Variants in PDE12 observed in about 807,000 individuals in gnomAD.
PDE12 encodes the protein 2',5'-phosphodiesterase 12.
In PDE12, 26 loss-of-function variants were observed where a neutral mutation model predicts 45.4. That is an observed-to-expected ratio of 0.57 (90% CI 0.42 to 0.79). The LOEUF (loss-of-function observed/expected upper bound fraction) is 0.79, where lower values mean the gene tolerates loss of function less well. Ranked by LOEUF, PDE12 falls within the 30% of genes least tolerant of loss-of-function variation. PDE12 has a pLI of 0.00. For missense variants in PDE12, 668 were observed against 790.0 expected (o/e 0.85, Z 1.85); for synonymous variants, 283 against 323.9 (o/e 0.87, Z 1.36).
chr3:57,594,233 TAAAC>T, the PDE12 span, among the ~76,000 whole-genome samples: 2 of 152,100 alleles, frequency 1.3e-5, no homozygotes, highest in Admixed American at 6.6e-5. Flanking sequence ...TCAAAAAAAA[TAAAC>T]AAAATAAAAT....
chr3:57,562,186 G>A lies in PDE12; in HGVS notation c.*2182G>A, dbSNP rs939560683. The A allele has an allele frequency of 1.2e-6, 1 of 845,374 alleles. No homozygotes were observed. The highest frequency in any genetic ancestry group is 1.4e-6 in the Non-Finnish European group (1 of 702,640). The allele number at this position is 845,374 out of a possible 1,614,324, so 52.4% of individuals were successfully genotyped here. ...AGAAACATTTTGAAAGAAAAAATTC[G>A]AACATGCCCATGAAAAAAGCATACA... On this transcript the variant is annotated 3_prime_UTR_variant, in exon 3 of 3. Transcript: ENST00000311180.
the PDE12 span, among the ~76,000 whole-genome samples, chr3:57,574,005 G>A: frequency 1.3e-5 from 2 of 152,116 alleles, no homozygotes; most frequent in African/African-American, 4.8e-5. Flanking sequence ...GCAGTGGCGT[G>A]ATCTCGGCTC....
the PDE12 span, chr3:57,584,328 T>C: frequency 1.5e-6 from 2 of 1,366,262 alleles, no homozygotes; most frequent in Non-Finnish European, 2.1e-6. Context: ...AACTAGACTG[T>C]ATATATTTCA....
chr3:57,621,025 TA>T, the PDE12 span, among the ~76,000 whole-genome samples: 4 of 152,116 alleles, frequency 2.6e-5, no homozygotes, highest in Admixed American at 6.6e-5. Context: ...AAACAGCCTT[TA>T]AAAAGGACAC....
Position 57,556,346 on chromosome 3 carries a change from C to A in PDE12, c.-34C>A. The A allele has an allele frequency of 6.6e-7, 1 of 1,523,134 alleles. No homozygotes were observed. The highest frequency in any genetic ancestry group is 1.2e-5 in the South Asian group (1 of 82,628). The allele number at this position is 1,523,134 out of a possible 1,614,324, so 94.4% of individuals were successfully genotyped here. On this transcript the variant is annotated 5_prime_UTR_variant, in exon 1 of 3. Coordinates refer to ENST00000311180, the MANE Select transcript of PDE12 (RefSeq NM_177966.7). The surrounding 1 kb of genome is among the most constrained non-coding windows in gnomAD (Gnocchi z 5.0). ...ACCTGACAGTAGGCCGCTGATCGGC[C>A]GCGGGTCTTGTCGACCGCTAGGCCA...
At chr3:57,605,195 C>T in the PDE12 span, among the ~76,000 whole-genome samples, 1 of 152,160 alleles carries the variant, frequency 6.6e-6, no homozygotes, top group Admixed American at 6.5e-5. Context: ...ACAGAGTAAG[C>T]CTGGTGGAGT....
the PDE12 span, among the ~76,000 whole-genome samples, chr3:57,632,144 A>C: frequency 6.7e-6 from 1 of 148,460 alleles, no homozygotes; most frequent in Non-Finnish European, 1.5e-5. Context: ...CTCAGCCTCT[A>C]GAGCAGCTGG....
the PDE12 span, among the ~76,000 whole-genome samples, chr3:57,608,901 A>G: frequency 6.6e-6 from 1 of 152,222 alleles, no homozygotes; most frequent in Non-Finnish European, 1.5e-5. Context: ...ATAGACATCT[A>G]CAGAACTGTC....
chr3:57,623,072 G>A, the PDE12 span, among the ~76,000 whole-genome samples: 1 of 152,120 alleles, frequency 6.6e-6, no homozygotes, highest in Non-Finnish European at 1.5e-5. Flanking sequence ...AATATGTTCA[G>A]CTTATTGTAT....
chr3:57,618,607 G>GTTTTTTTTTTTTTTTTTT, the PDE12 span, among the ~76,000 whole-genome samples: 41 of 79,404 alleles, frequency 5.2e-4, 4 homozygotes, highest in South Asian at 1.2e-3. Context: ...TTGCTTTTGT[G>GTTTTTTTTTTTTTTTTTT]TTTTTTTTTT....
chr3:57,630,760 G>T, the PDE12 span: 2 of 1,614,028 alleles, frequency 1.2e-6, no homozygotes, highest in Non-Finnish European at 1.7e-6. Context: ...GGTTAGCTGA[G>T]GTCCTGTTTT....
At chr3:57,621,643 G>A in the PDE12 span, among the ~76,000 whole-genome samples, 2 of 152,098 alleles carry the variant, frequency 1.3e-5, no homozygotes, top group Non-Finnish European at 2.9e-5. Context: ...CTGGGTGACA[G>A]AGCAAGAGTC....
the PDE12 span, among the ~76,000 whole-genome samples, chr3:57,640,867 T>C: frequency 1.3e-5 from 2 of 152,140 alleles, no homozygotes; most frequent in Admixed American, 6.6e-5. Flanking sequence ...AGTTGTCATC[T>C]AGGTTAACAA....
the PDE12 span, among the ~76,000 whole-genome samples, chr3:57,608,421 C>G: frequency 6.6e-6 from 1 of 151,912 alleles, no homozygotes; most frequent in Non-Finnish European, 1.5e-5. Context: ...CTAAATGCTC[C>G]AATTAAAAGA....
chr3:57,608,893 A>G, the PDE12 span, among the ~76,000 whole-genome samples: 1 of 152,222 alleles, frequency 6.6e-6, no homozygotes, highest in South Asian at 2.1e-4. Flanking sequence ...TGGACCTAAT[A>G]GACATCTACA....
At chr3:57,574,901 T>G in the PDE12 span, among the ~76,000 whole-genome samples, 1 of 149,400 alleles carries the variant, frequency 6.7e-6, no homozygotes, top group African/African-American at 2.5e-5. Flanking sequence ...CAGGCTGGAG[T>G]GCAGTGGCGC....
the PDE12 span, among the ~76,000 whole-genome samples, chr3:57,574,053 T>TGCCTCA: frequency 6.6e-6 from 1 of 152,126 alleles, no homozygotes; most frequent in Admixed American, 6.5e-5. Flanking sequence ...GTGATTCTCC[T>TGCCTCA]GCCTCAGCCT....
the PDE12 span, among the ~76,000 whole-genome samples, chr3:57,584,959 G>A: frequency 6.6e-6 from 1 of 152,092 alleles, no homozygotes; most frequent in Non-Finnish European, 1.5e-5. Context: ...CACCTCCCGG[G>A]TTCGAGCAAT....
chr3:57,634,772 G>A, the PDE12 span: 46 of 1,551,068 alleles, frequency 3.0e-5, no homozygotes, highest in East Asian at 9.4e-4. Flanking sequence ...AATTTCACCT[G>A]AAGGAAGCAG....
Sources: allele counts gnomAD v4.1 joint callset (sites outside exome capture counted in the v4.1 genomes callset), GRCh38; gene constraint gnomAD v4.1.1; non-coding constraint Gnocchi (gnomAD v3.1); transcripts MANE v1.5; gene names NCBI Gene and HGNC (gene_info 2026-07-23, HGNC 2026-07-21).